Variants in COL6A6 observed in about 807,000 individuals in gnomAD.
The protein encoded by COL6A6 is collagen type VI alpha 6 chain, also known as collagen alpha-6(VI) chain.
In COL6A6, 183 loss-of-function variants were observed where a neutral mutation model predicts 208.6. That is an observed-to-expected ratio of 0.88 (90% confidence interval 0.78 to 0.99). COL6A6 has a LOEUF of 0.99. COL6A6 is among the 50% of genes least tolerant of loss of function. COL6A6 has a pLI of 0.00. For missense variants in COL6A6, 2,816 were observed against 2,815.2 expected, an observed-to-expected ratio of 1.00 and a Z score of -0.01; for synonymous variants, 973 against 1,011.8, an observed-to-expected ratio of 0.96 and a Z score of 0.73.
intron 4 of COL6A6, among the ~76,000 whole-genome samples, 188 bp downstream of exon 4, chr3:130,565,802 G>C (rs2063006041): frequency 6.6e-6 from 1 of 152,148 alleles, no homozygotes; most frequent in Non-Finnish European, 1.5e-5. Context: ...TGTTGGCATG[G>C]GGAGAAGAGA....
intron 23 of COL6A6, among the ~76,000 whole-genome samples, chr3:130,620,268 G>A (rs2064671492): frequency 6.6e-6 from 1 of 152,186 alleles, no homozygotes; most frequent in African/African-American, 2.4e-5. Flanking sequence ...CATTCAGGAA[G>A]AGGGGATAAA....
chr3:130,561,464 C>T (rs533287473), intron 2 of COL6A6, among the ~76,000 whole-genome samples: 1 of 152,210 alleles, frequency 6.6e-6, no homozygotes, highest in East Asian at 1.9e-4. Context: ...ATCAGATGGC[C>T]ATAAAAGGAA....
At chr3:130,549,146 G>A (rs755156621) in intron 1 of COL6A6, among the ~76,000 whole-genome samples, 3 of 151,980 alleles carry the variant, frequency 2.0e-5, no homozygotes, top group African/African-American at 4.8e-5. Flanking sequence ...TCATGTTTTC[G>A]CTCTTTATAT....
intron 26 of COL6A6, among the ~76,000 whole-genome samples, chr3:130,629,825 TA>T (rs1202658639): frequency 4.5e-5 from 1 of 22,334 alleles, no homozygotes; most frequent in African/African-American, 7.7e-4. Context: ...AGAAATAAAA[TA>T]CTTTATAGAC....
chr3:130,608,942 C>T lies in COL6A6; in HGVS notation c.4730C>T (p.Ser1577Phe). ...CCAGGACCAGATGGACTTGAAGGCT[C>T]CCTGGGACTTAAGGGCCCTCAGGTA... ...GIPGPDGLEGSLGLKGPQGPR... is the reference protein window; with the variant it reads ...GIPGPDGLEGFLGLKGPQGPR... The change falls in exon 22 of 37, where the codon TCC becomes TTC. Residue 1577 changes from serine (S) to phenylalanine (F), a missense_variant. Physicochemically the swap from Ser to Phe is radical, Grantham distance 155. Transcript: ENST00000358511. 6.2e-7 allele frequency: 1 copy of T among 1,612,834 alleles called. No homozygotes were observed. Among genetic ancestry groups the T allele is most frequent in the Non-Finnish European group, 8.5e-7 (1 of 1,179,434 alleles).
At chr3:130,625,705 G>C (rs2064865225) in intron 24 of COL6A6, among the ~76,000 whole-genome samples, 1 of 152,166 alleles carries the variant, frequency 6.6e-6, no homozygotes, top group African/African-American at 2.4e-5. Flanking sequence ...TCCTGGATGG[G>C]ATCCTGGAAC....
chr3:130,673,103 C>T (rs1362545995), intron 36 of COL6A6, among the ~76,000 whole-genome samples: 2 of 139,146 alleles, frequency 1.4e-5, no homozygotes, highest in South Asian at 2.4e-4. Context: ...TGCTTGAACC[C>T]GGGAGGCAGA....
chr3:130,635,766 GCTT>G lies in COL6A6; in HGVS notation c.5091+9_5091+11del. On this transcript the variant is annotated splice_donor_region_variant and intron_variant, in intron 28 of 36. Coordinates refer to ENST00000358511, the MANE Select transcript of COL6A6 (RefSeq NM_001102608.3). ...AAGGGAGCTAGAGGCAAAATGGTAA[GCTT>G]CTTAGATTCCAATTGCTGACAACCT... 3 of 1,608,456 alleles carry G rather than the reference GCTT, an allele frequency of 1.9e-6. No homozygotes were observed. The highest frequency in any genetic ancestry group is 2.6e-6 in the Non-Finnish European group (3 of 1,175,390).
chr3:130,674,927 G>A (rs999181088), intron 36 of COL6A6, among the ~76,000 whole-genome samples: 1 of 152,128 alleles, frequency 6.6e-6, no homozygotes, highest in African/African-American at 2.4e-5. Context: ...TAAACAATCA[G>A]AAGAACCAAC....
At chr3:130,635,908 A>G (rs2065099027) in intron 28 of COL6A6, 147 bp downstream of exon 28, 1 of 627,324 alleles carries the variant, frequency 1.6e-6, no homozygotes, top group Middle Eastern at 2.6e-4. Context: ...GGGAAGGGGA[A>G]TGGATAGTCA....
At position 130,662,225 on chromosome 3, in the gene COL6A6, ACCTGGTCCAGCTTGGCCGAATT is replaced by A; in HGVS notation, c.6421_6442del (p.Leu2141IlefsTer9). ...CTCGCCAGCCACCCTTTGGATCACC[ACCTGGTCCAGCTTGGCCGAATT>A]CATAAACCTGACCACAGTTATGGTG... On this transcript the variant is annotated frameshift_variant, in exon 35 of 37. Coordinates refer to ENST00000358511, the MANE Select transcript of COL6A6 (RefSeq NM_001102608.3). LOFTEE classifies it high-confidence loss of function. 6.2e-7 allele frequency: 1 copy of A among 1,613,994 alleles called. No homozygotes were observed. Among genetic ancestry groups the A allele is most frequent in the Non-Finnish European group, 8.5e-7 (1 of 1,179,888 alleles).
At position 130,517,525 on chromosome 3, in the gene COL6A6, A is replaced by C. The variant is rs75831106; in HGVS notation, c.-32+128A>C. 2.2e-3 allele frequency among the ~76,000 whole-genome samples: 342 copies of C among 152,356 alleles called. 13 individuals carry two copies. In the East Asian group the frequency reaches 0.055, roughly 25 times the overall value. ...GAGAAAGACTGCGGTGGAGGGAAAT[A>C]AGTGAATTTCAGAAGCTCAAAAACT... On this transcript the variant is annotated intron_variant, in intron 1 of 36. Coordinates refer to ENST00000358511, the MANE Select transcript of COL6A6 (RefSeq NM_001102608.3).
At chr3:130,584,740 G>A (rs958318304) in intron 10 of COL6A6, among the ~76,000 whole-genome samples, 3 of 151,764 alleles carry the variant, frequency 2.0e-5, no homozygotes, top group Non-Finnish European at 2.9e-5. Flanking sequence ...TCAGCCTCCC[G>A]AGTAGCTGGG....
At chr3:130,570,788 A>G in intron 6 of COL6A6, 30 bp from the exon 7 acceptor site, 7 of 1,558,468 alleles carry the variant, frequency 4.5e-6, no homozygotes, top group Non-Finnish European at 6.1e-6. Context: ...AGCTAATCTC[A>G]TATGGTTTAC....
At chr3:130,540,498 T>A (rs1365371057) in intron 1 of COL6A6, among the ~76,000 whole-genome samples, 1 of 152,238 alleles carries the variant, frequency 6.6e-6, no homozygotes, top group Non-Finnish European at 1.5e-5. Context: ...TTTTTTTCTT[T>A]TTTAAAAAAT....
In COL6A6 at chr3:130,675,302, G is replaced by A; in HGVS notation, c.6697G>A (p.Gly2233Ser). ...ATATCTTTCAAGAGTAGCAAGAAGTGGCAGAGATGATGCTATTCAAAATTT... is the reference window on the plus strand; with the variant it reads ...ATATCTTTCAAGAGTAGCAAGAAGTAGCAGAGATGATGCTATTCAAAATTT... ...KKYLSRVARS[G>S]RDDAIQNFMR... The change falls in exon 37 of 37, where the codon GGC becomes AGC. Residue 2233 changes from glycine (G) to serine (S), a missense_variant. By Grantham distance (56) the Gly-to-Ser change is moderately conservative. Transcript: ENST00000358511. The A allele has an allele frequency of 6.3e-7, 1 of 1,594,606 alleles. No homozygotes were observed.
intron 8 of COL6A6, among the ~76,000 whole-genome samples, chr3:130,577,525 C>T (rs1377270432): frequency 1.3e-5 from 2 of 152,190 alleles, no homozygotes; most frequent in Admixed American, 1.3e-4. Flanking sequence ...AAACCACTTC[C>T]TGCTGTCACT....
Position 130,619,498 on chromosome 3 carries a change from G to A in COL6A6, c.4816-2323G>A, listed in dbSNP as rs530100816. Among the ~76,000 whole-genome samples, 9 of 152,256 alleles carry A rather than the reference G, an allele frequency of 5.9e-5. 1 individual carries two copies. Among genetic ancestry groups the A allele is most frequent in the East Asian group, 3.9e-4 (2 of 5,174 alleles). On this transcript the variant is annotated intron_variant, in intron 23 of 36. Transcript: ENST00000358511. ...AGGCATGCAATTCCAACATTTTGAG[G>A]GATTTTGCATATTAAGAAGACCTTA...
intron 21 of COL6A6, among the ~76,000 whole-genome samples, chr3:130,608,473 C>G (rs1277446117): frequency 3.3e-5 from 5 of 152,048 alleles, no homozygotes; most frequent in Non-Finnish European, 7.3e-5. Flanking sequence ...GAAGAGAATG[C>G]TCAACTTTTG....
Sources: allele counts gnomAD v4.1 joint callset (sites outside exome capture counted in the v4.1 genomes callset), GRCh38; gene constraint gnomAD v4.1.1; transcripts MANE v1.5; gene names NCBI Gene and HGNC (gene_info 2026-07-23, HGNC 2026-07-21).